Variants in DLGAP2 observed in about 807,000 individuals in gnomAD.
DLGAP2 encodes disks large-associated protein 2.
Under a neutral mutation model 100.3 loss-of-function variants are expected in DLGAP2, and 26 were observed. The ratio of observed to expected loss-of-function variants is 0.26; its 90% confidence interval spans 0.19 to 0.36. The LOEUF is 0.36. Ranked by LOEUF, DLGAP2 falls within the 10% of genes least tolerant of loss-of-function variation. The pLI, the probability that DLGAP2 is intolerant of heterozygous loss-of-function variation, is 1.00. For missense variants in DLGAP2, 1,858 were observed against 1,453.2 expected (o/e 1.28, Z -4.53); for synonymous variants, 886 against 630.1 (o/e 1.41, Z -6.08).
intron 1 of DLGAP2, among the ~76,000 whole-genome samples, chr8:750,382 A>C (rs1238569325): frequency 2.0e-5 from 3 of 152,268 alleles, no homozygotes; most frequent in African/African-American, 4.8e-5. Context: ...GATTGATCTA[A>C]TGAAAACATT....
At chr8:973,814 G>A (rs773819227) in intron 2 of DLGAP2, among the ~76,000 whole-genome samples, 4 of 151,306 alleles carry the variant, frequency 2.6e-5, no homozygotes, top group Admixed American at 6.6e-5. Flanking sequence ...GCTCGGGCCC[G>A]TGGCCCCGCG....
chr8:1,021,790 G>T (rs1463442545), intron 2 of DLGAP2, among the ~76,000 whole-genome samples: 2 of 152,106 alleles, frequency 1.3e-5, no homozygotes, highest in Non-Finnish European at 2.9e-5. Flanking sequence ...GATGCTGTGG[G>T]GTTGGAATGT....
At chr8:1,118,675 C>G (rs1483694758) in intron 2 of DLGAP2, among the ~76,000 whole-genome samples, 1 of 152,120 alleles carries the variant, frequency 6.6e-6, no homozygotes, top group East Asian at 1.9e-4. Flanking sequence ...CTTAGAGCAA[C>G]CTTCAAGATC....
intron 1 of DLGAP2, among the ~76,000 whole-genome samples, chr8:795,483 AC>A (rs1190272708): frequency 1.3e-5 from 2 of 152,236 alleles, no homozygotes; most frequent in Admixed American, 6.5e-5. Flanking sequence ...ATGAAAATGC[AC>A]CAAATCTGGA....
At chr8:1,066,901 C>T (rs1803271376) in intron 2 of DLGAP2, among the ~76,000 whole-genome samples, 1 of 152,220 alleles carries the variant, frequency 6.6e-6, no homozygotes, top group Admixed American at 6.5e-5. Flanking sequence ...CGTCAGAGCC[C>T]ACGATACCCA....
chr8:1,028,123 G>A (rs1801865530), intron 2 of DLGAP2, among the ~76,000 whole-genome samples: 1 of 136,396 alleles, frequency 7.3e-6, no homozygotes, highest in Admixed American at 7.2e-5. Context: ...TATTCTCCAG[G>A]TGGGGTGTCA....
At chr8:1,139,097 G>C (rs892782308) in intron 2 of DLGAP2, among the ~76,000 whole-genome samples, 18 of 152,236 alleles carry the variant, frequency 1.2e-4, no homozygotes, top group African/African-American at 3.6e-4. Flanking sequence ...TGTTTCCTCG[G>C]GTGATGACTG....
At chr8:1,077,066 G>T (rs991602688) in intron 2 of DLGAP2, among the ~76,000 whole-genome samples, 2 of 151,974 alleles carry the variant, frequency 1.3e-5, no homozygotes, top group African/African-American at 4.8e-5. Flanking sequence ...TCTGTCCCGG[G>T]CTCCCCCACA....
intron 2 of DLGAP2, among the ~76,000 whole-genome samples, chr8:1,094,334 C>A (rs1276832032): frequency 6.6e-6 from 1 of 152,224 alleles, no homozygotes; most frequent in African/African-American, 2.4e-5. Flanking sequence ...TCTTTCCAAT[C>A]CACTAACGGA....
At chr8:955,403 C>G (rs1439352664) in intron 2 of DLGAP2, among the ~76,000 whole-genome samples, 1 of 152,032 alleles carries the variant, frequency 6.6e-6, no homozygotes, top group East Asian at 1.9e-4. Context: ...CTTGTGTGTC[C>G]ATTCATCCTC....
In DLGAP2 at chr8:1,504,343, G is replaced by A. The variant is rs539176204; in HGVS notation, c.172+2912G>A. On this transcript the variant is annotated intron_variant, in intron 4 of 14. Transcript: ENST00000637795. ...GTTTTGATACAGGTATACGTTGTGA[G>A]ATAAGTCAACAAAGCTAGTTAACAT... Among the ~76,000 whole-genome samples, 6 of 152,246 alleles carry A rather than the reference G, an allele frequency of 3.9e-5. No individual in the cohort carries two copies. The East Asian group carries it at 5.8e-4, about 15-fold the overall frequency.
intron 1 of DLGAP2, among the ~76,000 whole-genome samples, chr8:788,647 G>A (rs558384049): frequency 3.2e-4 from 49 of 152,358 alleles, no homozygotes; most frequent in Non-Finnish European, 5.6e-4. Flanking sequence ...TTGGTTTTGC[G>A]AGAAGAAGCC....
chr8:1,589,381 T>G (rs892853018), intron 6 of DLGAP2, among the ~76,000 whole-genome samples: 6 of 152,220 alleles, frequency 3.9e-5, no homozygotes, highest in Admixed American at 2.0e-4. Context: ...TAATTCTGTG[T>G]GTTTCAAAGC....
At chr8:1,116,068 G>T (rs1035443116) in intron 2 of DLGAP2, among the ~76,000 whole-genome samples, 3 of 152,228 alleles carry the variant, frequency 2.0e-5, no homozygotes, top group Non-Finnish European at 2.9e-5. Context: ...CTTTCCAGGG[G>T]TTCTTGGAAA....
chr8:1,432,543 G>A (rs1415648652), intron 3 of DLGAP2, among the ~76,000 whole-genome samples: 1 of 152,240 alleles, frequency 6.6e-6, no homozygotes, highest in African/African-American at 2.4e-5. Flanking sequence ...AGAGATGGGC[G>A]AGGGAGTCCA....
intron 2 of DLGAP2, among the ~76,000 whole-genome samples, chr8:1,126,644 G>A (rs1796172132): frequency 6.6e-6 from 1 of 152,180 alleles, no homozygotes; most frequent in Admixed American, 6.5e-5. Context: ...CAGAGGCTTA[G>A]ACTCCCGCTG....
At chr8:840,532 C>T (rs866850811) in intron 1 of DLGAP2, among the ~76,000 whole-genome samples, 845 of 56,992 alleles carry the variant, frequency 0.015, 3 homozygotes, top group Non-Finnish European at 0.021. Context: ...CACGCCTGCA[C>T]GTCTCCCCAC....
At chr8:976,173 C>T (rs1800157513) in intron 2 of DLGAP2, among the ~76,000 whole-genome samples, 1 of 152,094 alleles carries the variant, frequency 6.6e-6, no homozygotes, top group African/African-American at 2.4e-5. Flanking sequence ...CTACAAAACT[C>T]TTATAAAAGA....
At chr8:1,326,844 T>G (rs982601086) in intron 3 of DLGAP2, among the ~76,000 whole-genome samples, 7 of 152,220 alleles carry the variant, frequency 4.6e-5, no homozygotes, top group African/African-American at 1.4e-4. Context: ...CTTCCTCCCT[T>G]TGGTGTTGTA....
Sources: gnomAD v4.1 joint callset for allele counts (sites outside exome capture counted in the v4.1 genomes callset) on GRCh38, gnomAD v4.1.1 for gene constraint, MANE v1.5 for transcripts, NCBI Gene and HGNC (gene_info 2026-07-23, HGNC 2026-07-21) for gene names.